CTNNA2: variants seen among roughly 807,000 people sequenced by gnomAD.
The protein encoded by CTNNA2 is catenin alpha-2.
In CTNNA2, 42 loss-of-function variants were observed where a neutral mutation model predicts 101.0. The observed-to-expected ratio is 0.42, with a 90% CI of 0.32 to 0.54. The LOEUF is 0.54. CTNNA2 is among the 20% of genes least tolerant of loss of function. CTNNA2 has a pLI of 0.14. For synonymous variants in CTNNA2, 450 were observed against 456.4 expected (o/e 0.99, Z 0.18); for missense variants, 871 against 1,223.1 (o/e 0.71, Z 4.29).
At chr2:79,687,704 G>T (rs774598823) in intron 2 of CTNNA2, 5 of 501,238 alleles carry the variant, frequency 1.0e-5, no homozygotes, top group Non-Finnish European at 1.8e-5. Flanking sequence ...AAATATAAAA[G>T]CATCTTTTGA....
At chr2:79,630,354 C>T (rs916628342) in intron 1 of CTNNA2, among the ~76,000 whole-genome samples, 8 of 152,076 alleles carry the variant, frequency 5.3e-5, no homozygotes, top group Non-Finnish European at 1.0e-4. Context: ...GAATTAAATT[C>T]CAAGAACATT....
intron 7 of CTNNA2, among the ~76,000 whole-genome samples, chr2:80,383,525 G>A (rs1676705432): frequency 6.6e-6 from 1 of 152,156 alleles, no homozygotes; most frequent in Non-Finnish European, 1.5e-5. Context: ...TATATGCATG[G>A]TTTGGCACAC....
At chr2:80,414,963 G>T (rs1473015914) in intron 8 of CTNNA2, among the ~76,000 whole-genome samples, 1 of 152,106 alleles carries the variant, frequency 6.6e-6, no homozygotes, top group Non-Finnish European at 1.5e-5. Context: ...CCAGGAAATG[G>T]CAGTGGTACT....
At chr2:79,639,249 T>A (rs1280925335) in intron 1 of CTNNA2, among the ~76,000 whole-genome samples, 2 of 152,218 alleles carry the variant, frequency 1.3e-5, no homozygotes, top group Non-Finnish European at 2.9e-5. Flanking sequence ...CTCATCTCTC[T>A]AATCAATATT....
chr2:79,948,856 T>C (rs1377863457), intron 7 of CTNNA2, among the ~76,000 whole-genome samples: 1 of 152,126 alleles, frequency 6.6e-6, no homozygotes, highest in African/African-American at 2.4e-5. Context: ...TAGTCCCAGC[T>C]ACTCAGGAGG....
chr2:80,237,772 G>T (rs1006624659), intron 7 of CTNNA2, among the ~76,000 whole-genome samples: 2 of 152,140 alleles, frequency 1.3e-5, no homozygotes, highest in African/African-American at 4.8e-5. Flanking sequence ...ATGAAACTCA[G>T]GATTGGGAAA....
At chr2:79,433,710 A>G (rs760448635) in intron 4 of CTNNA2, among the ~76,000 whole-genome samples, 1 of 151,878 alleles carries the variant, frequency 6.6e-6, no homozygotes, top group Non-Finnish European at 1.5e-5. Flanking sequence ...TAACCAGAAA[A>G]CTTGTAATAT....
chr2:79,744,595 ATAT>A lies in CTNNA2; in HGVS notation c.298+18_298+20del. 1.2e-6 allele frequency: 2 copies of A among 1,611,566 alleles called. No individual in the cohort carries two copies. Among genetic ancestry groups the A allele is most frequent in the African/African-American group, 1.3e-5 (1 of 74,984 alleles). ...GTGCGCAAACAAGGTAGGCAGAATG[ATAT>A]TATTGTTCAAGGCGGATCTATACTG... On this transcript the variant is annotated intron_variant, in intron 3 of 18. Transcript: ENST00000402739.
intron 2 of CTNNA2, among the ~76,000 whole-genome samples, chr2:79,223,348 A>T (rs1674369610): frequency 6.6e-6 from 1 of 152,178 alleles, no homozygotes; most frequent in Admixed American, 6.5e-5. Context: ...TATTGTTTAT[A>T]AGCCACCCAG....
intron 2 of CTNNA2, among the ~76,000 whole-genome samples, chr2:79,294,995 A>ATG (rs71385265): frequency 0.12 from 18,281 of 150,312 alleles, 1,405 homozygotes; most frequent in African/African-American, 0.22. Context: ...GTGTGAGTTC[A>ATG]TGTGTGTGTG....
intron 2 of CTNNA2, among the ~76,000 whole-genome samples, chr2:79,308,094 C>G (rs55968246): frequency 0.18 from 27,698 of 152,116 alleles, 2,568 homozygotes; most frequent in African/African-American, 0.2. Context: ...GCCCAGGCTG[C>G]AGTACAGTGG....
At chr2:80,008,747 G>A (rs2104004866) in intron 7 of CTNNA2, among the ~76,000 whole-genome samples, 1 of 152,264 alleles carries the variant, frequency 6.6e-6, no homozygotes, top group African/African-American at 2.4e-5. Flanking sequence ...AATGGAAATG[G>A]CACTACCACC....
intron 7 of CTNNA2, among the ~76,000 whole-genome samples, chr2:79,913,984 G>A (rs975977365): frequency 2.6e-5 from 4 of 151,620 alleles, no homozygotes; most frequent in Non-Finnish European, 5.9e-5. Flanking sequence ...CGGCTAAAAC[G>A]GTGAAACCCC....
At chr2:79,618,698 T>C (rs1678800527) in intron 1 of CTNNA2, among the ~76,000 whole-genome samples, 1 of 152,168 alleles carries the variant, frequency 6.6e-6, no homozygotes, top group Non-Finnish European at 1.5e-5. Context: ...CTTCTCCAAG[T>C]GCCAGAACAT....
chr2:80,559,891 T>TATATATATATATATACACACAC (rs1553387588), intron 12 of CTNNA2, among the ~76,000 whole-genome samples: 1 of 146,818 alleles, frequency 6.8e-6, no homozygotes, highest in African/African-American at 2.6e-5. Flanking sequence ...TATATATATA[T>TATATATATATATATACACACAC]ACACACACAT....
At chr2:80,502,132 T>A (rs1341790306) in intron 9 of CTNNA2, among the ~76,000 whole-genome samples, 1 of 152,204 alleles carries the variant, frequency 6.6e-6, no homozygotes, top group African/African-American at 2.4e-5. Context: ...GCACCATCCC[T>A]AAATATATAC....
In CTNNA2 at chr2:80,349,772, A is replaced by G. The variant is rs536302684; in HGVS notation, c.1057-43439A>G. Reference sequence around the variant, plus strand: ...TGGGCTCAAGCTATCATCCTGCCTTAGCCTCCGGAGTTGCTGGCATTCAGG... The same window carrying G: ...TGGGCTCAAGCTATCATCCTGCCTTGGCCTCCGGAGTTGCTGGCATTCAGG... On this transcript the variant is annotated intron_variant, in intron 7 of 18. Transcript: ENST00000402739. 3.3e-5 allele frequency among the ~76,000 whole-genome samples: 5 copies of G among 152,192 alleles called. No homozygotes were observed. In the South Asian group the frequency reaches 1.0e-3, roughly 32 times the overall value.
chr2:79,994,023 CCT>C (rs1692364163), intron 7 of CTNNA2, among the ~76,000 whole-genome samples: 1 of 152,086 alleles, frequency 6.6e-6, no homozygotes, highest in Non-Finnish European at 1.5e-5. Context: ...CCCGCCTTAT[CCT>C]CTCTCTGGAG....
At chr2:80,425,182 G>A (rs1200212179) in intron 9 of CTNNA2, among the ~76,000 whole-genome samples, 2 of 152,110 alleles carry the variant, frequency 1.3e-5, no homozygotes, top group East Asian at 1.9e-4. Context: ...GCTCTCCTTT[G>A]CTTTCAAGCA....
Sources: allele counts gnomAD v4.1 joint callset (sites outside exome capture counted in the v4.1 genomes callset), GRCh38; gene constraint gnomAD v4.1.1; transcripts MANE v1.5; gene names NCBI Gene and HGNC (gene_info 2026-07-23, HGNC 2026-07-21).